The following BABAM2 variants were observed in gnomAD, a reference collection of about 807,000 sequenced individuals.
BABAM2 encodes the protein BRISC and BRCA1 A complex member 2.
In BABAM2, 31 loss-of-function variants were observed where a neutral mutation model predicts 54.7. That is an observed-to-expected ratio of 0.57 (90% confidence interval 0.43 to 0.77). The LOEUF (loss-of-function observed/expected upper bound fraction) is 0.77, where lower values mean the gene tolerates loss of function less well. Among genes scored for constraint, BABAM2 ranks in the 30% least tolerant of loss-of-function variants. The pLI, the probability that BABAM2 is intolerant of heterozygous loss-of-function variation, is 0.00. For missense variants in BABAM2, 364 were observed against 455.8 expected, an observed-to-expected ratio of 0.80 and a Z score of 1.83; for synonymous variants, 167 against 162.9, an observed-to-expected ratio of 1.03 and a Z score of -0.19.
intron 3 of BABAM2, among the ~76,000 whole-genome samples, chr2:27,971,923 A>G (rs963413565): frequency 3.9e-5 from 6 of 152,178 alleles, no homozygotes; most frequent in African/African-American, 7.2e-5. Context: ...ACTAAGACTA[A>G]AATTTTCTGC....
intron 6 of BABAM2, among the ~76,000 whole-genome samples, chr2:28,102,052 A>G (rs1667128160): frequency 6.6e-6 from 1 of 152,200 alleles, no homozygotes; most frequent in African/African-American, 2.4e-5. Context: ...AGTGTTTTGA[A>G]GGCTATTTAT....
intron 7 of BABAM2, among the ~76,000 whole-genome samples, chr2:28,167,650 C>A (rs1209428534): frequency 2.7e-5 from 4 of 150,914 alleles, no homozygotes; most frequent in Non-Finnish European, 4.4e-5. Context: ...GCCGAGATCA[C>A]GCCACTACAC....
intron 4 of BABAM2, among the ~76,000 whole-genome samples, chr2:28,006,330 C>T (rs1673974545): frequency 6.6e-6 from 1 of 151,996 alleles, no homozygotes; most frequent in Non-Finnish European, 1.5e-5. Context: ...CCCCTACCAT[C>T]CTGGTTTCTA....
At chr2:28,220,565 GTC>G (rs555757812) in intron 7 of BABAM2, among the ~76,000 whole-genome samples, 138 of 151,526 alleles carry the variant, frequency 9.1e-4, no homozygotes, top group African/African-American at 3.2e-3. Flanking sequence ...CTCTATCTCT[GTC>G]TCTCGTATTA....
chr2:28,183,395 C>A (rs144795458), intron 7 of BABAM2, among the ~76,000 whole-genome samples: 2 of 152,006 alleles, frequency 1.3e-5, no homozygotes, highest in African/African-American at 4.8e-5. Flanking sequence ...GAGCTGAGAT[C>A]GTGCCATTGC....
Position 27,988,182 on chromosome 2 carries a change from A to G in BABAM2, c.300+95A>G, listed in dbSNP as rs532074070. The stretch of plus-strand genomic sequence containing the variant: ...TGCTTAACAGATAGATTTGTCACAC[A>G]TCTGCATTTTTTTCCCACCCCTCTT... On this transcript the variant is annotated intron_variant, in intron 4 of 11. Transcript: ENST00000379624. 210 of 1,188,084 alleles carry G rather than the reference A, an allele frequency of 1.8e-4. No homozygotes were observed. The African/African-American group carries it at 3.0e-3, about 17-fold the overall frequency. The allele number at this position is 1,188,084 out of a possible 1,614,324, so 73.6% of individuals were successfully genotyped here. A position where few individuals can be genotyped will look rare whatever the true frequency, so the allele number is the denominator to read the frequency against.
intron 6 of BABAM2, among the ~76,000 whole-genome samples, chr2:28,118,026 A>G (rs1034770588): frequency 1.3e-5 from 2 of 152,170 alleles, no homozygotes; most frequent in African/African-American, 4.8e-5. Context: ...AAAACTCACT[A>G]TTGTTTAAAC....
intron 7 of BABAM2, among the ~76,000 whole-genome samples, chr2:28,137,790 C>A (rs2147730132): frequency 6.6e-6 from 1 of 152,282 alleles, no homozygotes; most frequent in East Asian, 1.9e-4. Context: ...CTCACTGGTA[C>A]ATGTTTCTTA....
intron 6 of BABAM2, among the ~76,000 whole-genome samples, chr2:28,126,420 T>C (rs1324433856): frequency 2.7e-5 from 4 of 149,056 alleles, no homozygotes; most frequent in Admixed American, 2.0e-4. Flanking sequence ...TGCGATAGTT[T>C]ACTGAGAATG....
At chr2:27,957,138 G>A (rs536920427) in intron 3 of BABAM2, among the ~76,000 whole-genome samples, 1 of 152,236 alleles carries the variant, frequency 6.6e-6, no homozygotes, top group South Asian at 2.1e-4. Context: ...GTTGGTTATT[G>A]TCTTCCTGTT....
chr2:28,186,792 T>C (rs1222274202), intron 7 of BABAM2, among the ~76,000 whole-genome samples: 1 of 147,226 alleles, frequency 6.8e-6, no homozygotes, highest in Non-Finnish European at 1.5e-5. Context: ...ACATCATGGA[T>C]CACAAGGAAT....
chr2:27,993,566 C>T (rs763329735), intron 4 of BABAM2, among the ~76,000 whole-genome samples: 2 of 152,096 alleles, frequency 1.3e-5, no homozygotes, highest in Non-Finnish European at 2.9e-5. Context: ...TGATAATTCA[C>T]TTTAACTTAA....
At chr2:28,282,722 G>A (rs902200713) in intron 10 of BABAM2, among the ~76,000 whole-genome samples, 7 of 151,978 alleles carry the variant, frequency 4.6e-5, no homozygotes, top group South Asian at 2.1e-4. Flanking sequence ...ATTTATAGCC[G>A]GGCACGGTGG....
intron 6 of BABAM2, among the ~76,000 whole-genome samples, chr2:28,118,187 G>C (rs140270754): frequency 1.2e-3 from 190 of 152,296 alleles, no homozygotes; most frequent in African/African-American, 4.3e-3. Flanking sequence ...ACCTATGTAT[G>C]CATGTGTCTT....
chr2:27,913,506 TAAA>T (rs1434173106), intron 2 of BABAM2, among the ~76,000 whole-genome samples: 8 of 152,170 alleles, frequency 5.3e-5, no homozygotes, highest in Non-Finnish European at 8.8e-5. Context: ...GTTATACAAA[TAAA>T]AACTATTCTG....
chr2:27,982,876 C>CAT lies in BABAM2; in HGVS notation c.206-5116_206-5115insTA, dbSNP rs1672123739. Reference sequence around the variant, plus strand: ...ACACACACACACACACACACACACACACACACATATATGTCACATTTGGTT... The same window carrying CAT: ...ACACACACACACACACACACACACACATACACACATATATGTCACATTTGGTT... On this transcript the variant is annotated intron_variant, in intron 3 of 11. Transcript: ENST00000379624. Among the ~76,000 whole-genome samples, 6 of 151,472 alleles carry CAT rather than the reference C, an allele frequency of 4.0e-5. No individual in the cohort carries two copies. The South Asian group carries it at 1.2e-3, about 31-fold the overall frequency.
At chr2:28,143,733 G>C (rs915963512) in intron 7 of BABAM2, among the ~76,000 whole-genome samples, 1 of 152,120 alleles carries the variant, frequency 6.6e-6, no homozygotes, top group African/African-American at 2.4e-5. Flanking sequence ...TAATACCAAT[G>C]AACACTCATG....
At chr2:28,170,112 T>C (rs1674156636) in intron 7 of BABAM2, among the ~76,000 whole-genome samples, 2 of 152,088 alleles carry the variant, frequency 1.3e-5, no homozygotes, top group Admixed American at 6.5e-5. Context: ...AAATTAAAAT[T>C]TGAAATTTTA....
chr2:28,179,265 A>T (rs1675359559), intron 7 of BABAM2, among the ~76,000 whole-genome samples: 1 of 152,194 alleles, frequency 6.6e-6, no homozygotes, highest in Non-Finnish European at 1.5e-5. Flanking sequence ...CCAACAGCAC[A>T]TCAAAAAAGG....
Sources: allele counts gnomAD v4.1 joint callset (sites outside exome capture counted in the v4.1 genomes callset), GRCh38; gene constraint gnomAD v4.1.1; transcripts MANE v1.5; gene names NCBI Gene and HGNC (gene_info 2026-07-23, HGNC 2026-07-21).